The following MSH3 variants were observed in gnomAD, a reference collection of about 807,000 sequenced individuals.
MSH3 encodes mutS homolog 3, also known as DNA mismatch repair protein Msh3.
A neutral mutation model predicts 123.3 loss-of-function variants in MSH3; 106 were observed. The ratio of observed to expected loss-of-function variants is 0.86; its 90% CI spans 0.73 to 1.01. MSH3 has a LOEUF of 1.01. Ranked by LOEUF, MSH3 falls within the 50% of genes least tolerant of loss-of-function variation. MSH3 has a pLI of 0.00. For missense variants in MSH3, 1,459 were observed against 1,347.6 expected, an observed-to-expected ratio of 1.08 and a Z score of -1.29; for synonymous variants, 515 against 481.4, an observed-to-expected ratio of 1.07 and a Z score of -0.91.
intron 2 of MSH3, among the ~76,000 whole-genome samples, chr5:80,661,081 G>A (rs1414059946): frequency 6.6e-6 from 1 of 152,172 alleles, no homozygotes; most frequent in Non-Finnish European, 1.5e-5. Flanking sequence ...ACAGGCATGA[G>A]CCACCGTGCC....
At chr5:80,737,978 GAA>G (rs1439896027) in intron 10 of MSH3, among the ~76,000 whole-genome samples, 1 of 151,832 alleles carries the variant, frequency 6.6e-6, no homozygotes, top group Non-Finnish European at 1.5e-5. Context: ...AGGACAAAAA[GAA>G]AAAACAAAAA....
intron 8 of MSH3, among the ~76,000 whole-genome samples, chr5:80,694,603 A>AT (rs1250062830): frequency 6.7e-6 from 1 of 149,754 alleles, no homozygotes; most frequent in Admixed American, 6.6e-5. Context: ...CTTTTTTTTT[A>AT]TTTTTTCCTT....
At chr5:80,795,164 C>T (rs1744675561) in intron 19 of MSH3, among the ~76,000 whole-genome samples, 3 of 152,004 alleles carry the variant, frequency 2.0e-5, no homozygotes, top group African/African-American at 7.3e-5. Flanking sequence ...GCAGAGGTGG[C>T]AGAGATGTGT....
chr5:80,819,902 C>A (rs1745174808), intron 20 of MSH3, among the ~76,000 whole-genome samples: 1 of 152,162 alleles, frequency 6.6e-6, no homozygotes, highest in Non-Finnish European at 1.5e-5. Flanking sequence ...TGTGTCCCTG[C>A]ATATTCTTAC....
intron 22 of MSH3, among the ~76,000 whole-genome samples, chr5:80,869,764 T>C (rs1746171446): frequency 7.6e-6 from 1 of 130,838 alleles, no homozygotes; most frequent in Admixed American, 7.4e-5. Flanking sequence ...AACTATCTCT[T>C]GTGCACTCTT....
intron 18 of MSH3, among the ~76,000 whole-genome samples, chr5:80,790,847 G>GA (rs1000599604): frequency 2.6e-5 from 4 of 152,196 alleles, no homozygotes; most frequent in East Asian, 1.9e-4. Flanking sequence ...AATGTGAAGA[G>GA]AAAAAAACCA....
chr5:80,709,989 G>A (rs1027962749), intron 8 of MSH3, among the ~76,000 whole-genome samples: 3 of 152,148 alleles, frequency 2.0e-5, no homozygotes, highest in Admixed American at 6.5e-5. Context: ...TCTTGACTTC[G>A]TGCCTTTCTT....
chr5:80,853,474 CA>C (rs112083648), intron 20 of MSH3, among the ~76,000 whole-genome samples: 8,285 of 125,934 alleles, frequency 0.066, 241 homozygotes, highest in Middle Eastern at 0.087. Context: ...AAACCCTGTC[CA>C]AAAAAAAAAA....
chr5:80,674,855 C>A, intron 6 of MSH3, 128 bp from the exon 7 acceptor site: 1 of 808,410 alleles, frequency 1.2e-6, no homozygotes, highest in Non-Finnish European at 2.0e-6. Context: ...GCTGGGATTA[C>A]AGGTGTGAGC....
chr5:80,741,591 G>T, intron 11 of MSH3, 43 bp downstream of exon 11: 1 of 1,417,584 alleles, frequency 7.1e-7, no homozygotes, highest in Admixed American at 1.7e-5. Context: ...ATCGTTTTGG[G>T]AAAAACTTCT....
intron 10 of MSH3, among the ~76,000 whole-genome samples, chr5:80,738,123 G>A (rs1346719328): frequency 3.9e-5 from 6 of 152,120 alleles, no homozygotes; most frequent in Admixed American, 1.3e-4. Flanking sequence ...AAGGTCTGGG[G>A]TTGTGAGCTA....
At chr5:80,843,243 A>G (rs245366) in intron 20 of MSH3, among the ~76,000 whole-genome samples, 131,782 of 152,212 alleles carry the variant, frequency 0.87, 57,139 homozygotes, top group East Asian at 1. Flanking sequence ...CTTGCATCCC[A>G]TAGATGAAGC....
chr5:80,830,745 GTGTCC>G (rs1745402467), intron 20 of MSH3, among the ~76,000 whole-genome samples: 1 of 152,194 alleles, frequency 6.6e-6, no homozygotes, highest in South Asian at 2.1e-4. Flanking sequence ...TCCTTCGTAA[GTGTCC>G]TACACATGCT....
At chr5:80,667,175 A>T (rs73765855) in intron 3 of MSH3, among the ~76,000 whole-genome samples, 1,647 of 152,286 alleles carry the variant, frequency 0.011, 28 homozygotes, top group African/African-American at 0.037. Flanking sequence ...TTTTTCCTGG[A>T]AGCTTATCTC....
chr5:80,705,292 G>A (rs1281586692), intron 8 of MSH3, among the ~76,000 whole-genome samples: 1 of 152,136 alleles, frequency 6.6e-6, no homozygotes, highest in African/African-American at 2.4e-5. Context: ...GCTGTACATT[G>A]GGATTACATG....
chr5:80,853,440 A>G (rs1431704987), intron 20 of MSH3, among the ~76,000 whole-genome samples: 2 of 150,984 alleles, frequency 1.3e-5, no homozygotes, highest in African/African-American at 4.9e-5. Context: ...ATGCCACTGC[A>G]CTCCAGCCTG....
chr5:80,691,590 C>T (rs1580564101), intron 8 of MSH3, among the ~76,000 whole-genome samples: 1 of 149,196 alleles, frequency 6.7e-6, no homozygotes, highest in African/African-American at 2.4e-5. Flanking sequence ...AGATGTTTTT[C>T]AGTGCAATTC....
intron 20 of MSH3, among the ~76,000 whole-genome samples, chr5:80,831,611 C>T (rs564233670): frequency 9.2e-4 from 139 of 151,752 alleles, no homozygotes; most frequent in Non-Finnish European, 1.7e-3. Flanking sequence ...TGTTTTTCTT[C>T]CTTATACCAT....
At chr5:80,755,966 A>C (rs1017644472) in intron 12 of MSH3, among the ~76,000 whole-genome samples, 7 of 152,190 alleles carry the variant, frequency 4.6e-5, no homozygotes, top group East Asian at 3.9e-4. Context: ...GTGGTCTGGC[A>C]ATTTCCAAGC....
Sources: gnomAD v4.1 joint callset for allele counts (sites outside exome capture counted in the v4.1 genomes callset) on GRCh38, gnomAD v4.1.1 for gene constraint, MANE v1.5 for transcripts, NCBI Gene and HGNC (gene_info 2026-07-23, HGNC 2026-07-21) for gene names.